MEF2C: variants seen among roughly 807,000 people sequenced by gnomAD.
MEF2C encodes the protein myocyte-specific enhancer factor 2C.
A neutral mutation model predicts 50.5 loss-of-function variants in MEF2C; 6 were observed. That is an observed-to-expected ratio of 0.12 (90% CI 0.07 to 0.23). The LOEUF is 0.23. MEF2C is among the 10% of genes least tolerant of loss of function. The pLI is 1.00. For missense variants in MEF2C, 276 were observed against 605.0 expected (o/e 0.46, Z 5.70); for synonymous variants, 183 against 228.0 (o/e 0.80, Z 1.78).
chr5:88,818,536 T>C (rs1218154330), intron 2 of MEF2C, among the ~76,000 whole-genome samples: 1 of 151,970 alleles, frequency 6.6e-6, no homozygotes, highest in Non-Finnish European at 1.5e-5. Context: ...GAGGAGTAGT[T>C]AAAAATAATT....
chr5:88,753,136 C>A (rs1340423242), intron 4 of MEF2C, among the ~76,000 whole-genome samples: 4 of 152,098 alleles, frequency 2.6e-5, no homozygotes, highest in Admixed American at 2.6e-4. Flanking sequence ...TTAGTGCTGA[C>A]ATCCACTTTC....
At chr5:88,740,363 A>G in intron 6 of MEF2C, 2 of 985,122 alleles carry the variant, frequency 2.0e-6, no homozygotes, top group Non-Finnish European at 2.4e-6. Context: ...AAGAAATTTT[A>G]CTTATTACTA....
At chr5:88,820,223 A>G (rs1208024689) in intron 2 of MEF2C, among the ~76,000 whole-genome samples, 1 of 152,006 alleles carries the variant, frequency 6.6e-6, no homozygotes, top group East Asian at 1.9e-4. Context: ...TGAAACTAAG[A>G]AAGAAATAGT....
At chr5:88,840,143 G>T (rs760810350) in intron 1 of MEF2C, among the ~76,000 whole-genome samples, 3 of 152,060 alleles carry the variant, frequency 2.0e-5, no homozygotes, top group Non-Finnish European at 4.4e-5. Context: ...TATTTTTAAG[G>T]CCTTCCGGAA....
At chr5:88,762,986 T>C (rs1778524393) in intron 3 of MEF2C, among the ~76,000 whole-genome samples, 2 of 152,214 alleles carry the variant, frequency 1.3e-5, no homozygotes, top group African/African-American at 4.8e-5. Flanking sequence ...CTCTTATCAA[T>C]GTGTAACAAA....
chr5:88,777,252 T>G (rs962217710), intron 3 of MEF2C, among the ~76,000 whole-genome samples: 2 of 152,082 alleles, frequency 1.3e-5, no homozygotes, highest in African/African-American at 4.8e-5. Flanking sequence ...ACTATCAAAA[T>G]ATTAATTTTC....
intron 6 of MEF2C, chr5:88,739,025 C>G (rs1054623966): frequency 1.0e-6 from 1 of 980,786 alleles, no homozygotes; most frequent in Non-Finnish European, 1.2e-6. Flanking sequence ...ATAATCTTCT[C>G]CCCTGTAATA....
At chr5:88,744,661 C>T (rs1768489300) in intron 6 of MEF2C, among the ~76,000 whole-genome samples, 1 of 152,196 alleles carries the variant, frequency 6.6e-6, no homozygotes, top group Non-Finnish European at 1.5e-5. Flanking sequence ...TAACCATCAA[C>T]TGAAACCTTA....
Position 88,722,435 on chromosome 5 carries a change from AT to A in MEF2C, c.*168del, listed in dbSNP as rs920707839. 1.8e-5 allele frequency: 11 copies of A among 603,338 alleles called. No individual in the cohort carries two copies. In the Admixed American group the frequency reaches 3.3e-4, roughly 18 times the overall value. 37.4% of individuals were successfully genotyped at this position (603,338 alleles called of 1,614,324 possible). A position where few individuals can be genotyped will look rare whatever the true frequency, so the allele number is the denominator to read the frequency against. On this transcript the variant is annotated 3_prime_UTR_variant, in exon 11 of 11. Coordinates refer to ENST00000504921, the MANE Select transcript of MEF2C (RefSeq NM_002397.5). The stretch of plus-strand genomic sequence containing the variant: ...TATCTCAGCATTTCTGTTTATCTTT[AT>A]ACTGTATCACTGAGGCAATTTAAAA...
chr5:88,766,776 G>C, intron 3 of MEF2C: 1 of 985,260 alleles, frequency 1.0e-6, no homozygotes, highest in Non-Finnish European at 1.2e-6. Flanking sequence ...GATGTGTCAA[G>C]AACACATGCA....
intron 4 of MEF2C, among the ~76,000 whole-genome samples, chr5:88,755,787 C>T (rs1030178775): frequency 6.6e-6 from 1 of 152,194 alleles, no homozygotes; most frequent in East Asian, 1.9e-4. Flanking sequence ...GGTTGTGTCT[C>T]ATTAGAGAGC....
intron 1 of MEF2C, among the ~76,000 whole-genome samples, chr5:88,882,490 G>A (rs1044156246): frequency 2.0e-5 from 3 of 152,222 alleles, no homozygotes; most frequent in African/African-American, 7.2e-5. Flanking sequence ...CCAAGAATTA[G>A]TGGCTCAGAA....
intron 3 of MEF2C, among the ~76,000 whole-genome samples, chr5:88,787,912 A>C (rs1009349657): frequency 2.6e-5 from 4 of 152,174 alleles, no homozygotes; most frequent in Admixed American, 6.5e-5. Flanking sequence ...TTCCAGCTTC[A>C]GTGATCCCTC....
intron 3 of MEF2C, chr5:88,785,279 T>TACACAA (rs1790305642): frequency 7.0e-6 from 1 of 143,838 alleles, no homozygotes; most frequent in African/African-American, 2.6e-5. Flanking sequence ...AAAACTGGCA[T>TACACAA]ACACACACAC....
intron 3 of MEF2C, chr5:88,771,774 A>G (rs1782507556): frequency 4.8e-6 from 1 of 209,864 alleles, no homozygotes. Context: ...TAATAAGATT[A>G]TTACCTCAAA....
At chr5:88,884,814 A>AG (rs1291658783), upstream of MEF2C, among the ~76,000 whole-genome samples, 1 of 151,804 alleles carries the variant, frequency 6.6e-6, no homozygotes, top group African/African-American at 2.4e-5. Flanking sequence ...AAAAAAAAAA[A>AG]AGGCTTTAAT....
At chr5:88,862,977 A>C (rs887056041) in intron 1 of MEF2C, among the ~76,000 whole-genome samples, 3 of 152,202 alleles carry the variant, frequency 2.0e-5, no homozygotes, top group South Asian at 2.1e-4. Flanking sequence ...ATGAGAAAGC[A>C]AAGTTGAGAA....
intron 6 of MEF2C, chr5:88,733,900 A>C (rs1307321335): frequency 4.1e-6 from 4 of 985,296 alleles, no homozygotes; most frequent in Non-Finnish European, 4.8e-6. Context: ...AACTTCTGGA[A>C]TATTAGCCAA....
chr5:88,752,197 A>T (rs1773140025), intron 4 of MEF2C, among the ~76,000 whole-genome samples, 154 bp from the exon 5 acceptor site: 1 of 152,260 alleles, frequency 6.6e-6, no homozygotes, highest in South Asian at 2.1e-4. Flanking sequence ...AGACGTTCAG[A>T]TCATAAATTG....
Sources: gnomAD v4.1 joint callset for allele counts (sites outside exome capture counted in the v4.1 genomes callset) on GRCh38, gnomAD v4.1.1 for gene constraint, MANE v1.5 for transcripts, NCBI Gene and HGNC (gene_info 2026-07-23, HGNC 2026-07-21) for gene names.